ERP44: variants seen among roughly 807,000 people sequenced by gnomAD.
ERP44 encodes endoplasmic reticulum protein 44, also known as endoplasmic reticulum resident protein 44.
Under a neutral mutation model 53.4 loss-of-function variants are expected in ERP44, and 25 were observed. That is an observed-to-expected ratio of 0.47 (90% CI 0.34 to 0.65). The LOEUF is 0.65. Among genes scored for constraint, ERP44 ranks in the 30% least tolerant of loss-of-function variants. The pLI, the probability that ERP44 is intolerant of heterozygous loss-of-function variation, is 0.01. For missense variants in ERP44, 338 were observed against 493.2 expected (o/e 0.69, Z 2.98); for synonymous variants, 145 against 161.2 (o/e 0.90, Z 0.76).
Position 99,982,718 on chromosome 9 carries a change from A to G in ERP44, c.1120-5T>C. 2.5e-6 allele frequency: 4 copies of G among 1,581,316 alleles called. No individual in the cohort carries two copies. The Admixed American group carries it at 7.6e-5, about 30-fold the overall frequency. ...GCTTGCTACATCTTGGGCTTGCTAC[A>G]AAAGAAAGAATAAAACATTTTTATA... On this transcript the variant is annotated splice_region_variant and splice_polypyrimidine_tract_variant and intron_variant, in intron 11 of 11. Coordinates refer to ENST00000262455, the MANE Select transcript of ERP44 (RefSeq NM_015051.3).
At position 99,992,367 on chromosome 9, in the gene ERP44, C is replaced by T. The variant is rs190725126; in HGVS notation, c.1017-7298G>A. ...GGATGCAAGGCTGGTTCAACATATGCAAATCAATAAACGTAATCCATCACA... is the reference window on the plus strand; with the variant it reads ...GGATGCAAGGCTGGTTCAACATATGTAAATCAATAAACGTAATCCATCACA... On this transcript the variant is annotated intron_variant, in intron 10 of 11. Coordinates refer to ENST00000262455, the MANE Select transcript of ERP44 (RefSeq NM_015051.3). Among the ~76,000 whole-genome samples the T allele has an allele frequency of 3.3e-3, 496 of 152,118 alleles. 1 individual carries two copies. The highest frequency in any genetic ancestry group is 0.017 in the Middle Eastern group (5 of 294).
chr9:100,019,727 T>C (rs1830565520), intron 6 of ERP44, among the ~76,000 whole-genome samples: 1 of 151,484 alleles, frequency 6.6e-6, no homozygotes, highest in East Asian at 1.9e-4. Context: ...GGGGATTCAA[T>C]GTAAGTGTTG....
chr9:99,983,493 C>G (rs1830169001), intron 11 of ERP44, among the ~76,000 whole-genome samples: 1 of 144,786 alleles, frequency 6.9e-6, no homozygotes, highest in Non-Finnish European at 1.5e-5. Context: ...TGCAGTGAGC[C>G]GAGATTGCGC....
rs1054385103 is a variant in ERP44 at position 99,982,418 on chromosome 9, T to TTG, written c.*193_*194insCA. The TTG allele has an allele frequency of 1.4e-5, 4 of 278,570 alleles. No homozygotes were observed. The highest frequency in any genetic ancestry group is 8.8e-5 in the African/African-American group (4 of 45,344). The allele number at this position is 278,570 out of a possible 1,614,324, so 17.3% of individuals were successfully genotyped here. A position where few individuals can be genotyped will look rare whatever the true frequency, so the allele number is the denominator to read the frequency against. On this transcript the variant is annotated 3_prime_UTR_variant, in exon 12 of 12. Transcript: ENST00000262455. ...TTTTTATTTTTAAATCCTAGCAGGT[T>TTG]TTTTTTTTTTAAGAGGCTACTATAT...
chr9:99,994,667 C>A (rs1252933914), intron 10 of ERP44, among the ~76,000 whole-genome samples: 1 of 152,038 alleles, frequency 6.6e-6, no homozygotes, highest in Non-Finnish European at 1.5e-5. Flanking sequence ...AAAAAAAAAT[C>A]TATTACCATA....
chr9:100,097,272 T>C (rs1205529712), intron 1 of ERP44, among the ~76,000 whole-genome samples: 1 of 152,190 alleles, frequency 6.6e-6, no homozygotes, highest in African/African-American at 2.4e-5. Flanking sequence ...AACCAAACCA[T>C]ACCATTTGAG....
chr9:100,013,372 A>G (rs12337786), intron 8 of ERP44, among the ~76,000 whole-genome samples: 2,215 of 152,074 alleles, frequency 0.015, 28 homozygotes, highest in Middle Eastern at 0.034. Flanking sequence ...TAGAAAAACC[A>G]GAGTAATAAT....
At chr9:100,017,596 T>G (rs934720959) in intron 7 of ERP44, among the ~76,000 whole-genome samples, 1 of 152,202 alleles carries the variant, frequency 6.6e-6, no homozygotes, top group Non-Finnish European at 1.5e-5. Context: ...AAATTAAAAA[T>G]CTCAGTGTCA....
chr9:100,017,580 G>A (rs914154612), intron 7 of ERP44, among the ~76,000 whole-genome samples: 2 of 152,138 alleles, frequency 1.3e-5, no homozygotes, highest in Non-Finnish European at 2.9e-5. Flanking sequence ...TTATCTGACT[G>A]CATAAAAATT....
At position 100,028,500 on chromosome 9, in the gene ERP44, A is replaced by C. The variant is rs548027784; in HGVS notation, c.287-6274T>G. The stretch of plus-strand genomic sequence containing the variant: ...TGTGCATATGTACATGCATGTGTAC[A>C]TGTGTGTCTATGTGTGTTTCGAAAT... On this transcript the variant is annotated intron_variant, in intron 4 of 11. Transcript: ENST00000262455. 7.2e-5 allele frequency among the ~76,000 whole-genome samples: 11 copies of C among 152,380 alleles called. No individual in the cohort carries two copies. The South Asian group carries it at 2.3e-3, about 32-fold the overall frequency.
intron 8 of ERP44, among the ~76,000 whole-genome samples, chr9:100,015,957 T>G (rs977663326): frequency 1.3e-5 from 2 of 152,126 alleles, no homozygotes; most frequent in Admixed American, 6.5e-5. Flanking sequence ...GCCCTCTTCC[T>G]AGCAGGCCGT....
chr9:99,996,429 T>C (rs1022197136), intron 10 of ERP44, among the ~76,000 whole-genome samples: 2 of 152,232 alleles, frequency 1.3e-5, no homozygotes, highest in Non-Finnish European at 2.9e-5. Context: ...GTCATGCTTC[T>C]TGTACAGCCT....
intron 2 of ERP44, among the ~76,000 whole-genome samples, chr9:100,059,132 T>C (rs535544672): frequency 1.9e-4 from 29 of 152,330 alleles, no homozygotes; most frequent in African/African-American, 7.0e-4. Flanking sequence ...AATAGACTTT[T>C]AGCATTTAAA....
chr9:100,013,671 C>A (rs562768500), intron 8 of ERP44, among the ~76,000 whole-genome samples: 2 of 152,216 alleles, frequency 1.3e-5, no homozygotes, highest in Admixed American at 1.3e-4. Context: ...GGACGTGGAG[C>A]AATGTGAACT....
intron 5 of ERP44, among the ~76,000 whole-genome samples, 164 bp downstream of exon 5, chr9:100,021,878 C>G (rs753265204): frequency 3.2e-4 from 48 of 152,294 alleles, no homozygotes; most frequent in Non-Finnish European, 6.5e-4. Flanking sequence ...ATAACATAAG[C>G]ATTTGCCTTG....
At chr9:100,055,768 A>T (rs968016806) in intron 3 of ERP44, among the ~76,000 whole-genome samples, 5 of 152,214 alleles carry the variant, frequency 3.3e-5, no homozygotes, top group African/African-American at 1.2e-4. Flanking sequence ...GGTAATTTTT[A>T]AAAAATAGTC....
intron 7 of ERP44, among the ~76,000 whole-genome samples, chr9:100,017,201 G>A (rs1373541439): frequency 2.0e-5 from 3 of 152,134 alleles, no homozygotes; most frequent in Non-Finnish European, 4.4e-5. Flanking sequence ...AACTTACTGG[G>A]TCTAGGCATG....
intron 1 of ERP44, among the ~76,000 whole-genome samples, chr9:100,068,176 C>T (rs1347118996): frequency 6.7e-6 from 1 of 150,278 alleles, no homozygotes; most frequent in East Asian, 2.0e-4. Flanking sequence ...CCCCTCTCCC[C>T]GGCCAGCAGC....
chr9:100,083,105 A>G (rs1275518015), intron 1 of ERP44, among the ~76,000 whole-genome samples: 1 of 152,046 alleles, frequency 6.6e-6, no homozygotes, highest in East Asian at 1.9e-4. Flanking sequence ...CTGAGAAAAC[A>G]TAAAAAGAAT....
Sources: gnomAD v4.1 joint callset for allele counts (sites outside exome capture counted in the v4.1 genomes callset) on GRCh38, gnomAD v4.1.1 for gene constraint, MANE v1.5 for transcripts, NCBI Gene and HGNC (gene_info 2026-07-23, HGNC 2026-07-21) for gene names.